Variants in SLC25A21 observed in about 807,000 individuals in gnomAD.
The protein encoded by SLC25A21 is solute carrier family 25 member 21.
A neutral mutation model predicts 43.8 loss-of-function variants in SLC25A21; 47 were observed. That is an observed-to-expected ratio of 1.07 (90% confidence interval 0.85 to 1.37). SLC25A21 has a LOEUF of 1.37. Ranked by LOEUF, SLC25A21 falls within the 40% of genes most tolerant of loss-of-function variation. SLC25A21 has a pLI of 0.00. For synonymous variants in SLC25A21, 131 were observed against 121.3 expected, an observed-to-expected ratio of 1.08 and a Z score of -0.52; for missense variants, 352 against 350.2, an observed-to-expected ratio of 1.00 and a Z score of -0.04.
chr14:36,925,139 A>G lies in SLC25A21; in HGVS notation c.71-50135T>C, dbSNP rs559031621. 5.9e-5 allele frequency among the ~76,000 whole-genome samples: 9 copies of G among 152,260 alleles called. No individual in the cohort carries two copies. The South Asian group carries it at 1.0e-3, about 18-fold the overall frequency. On this transcript the variant is annotated intron_variant, in intron 1 of 9. Coordinates refer to ENST00000331299, the MANE Select transcript of SLC25A21 (RefSeq NM_030631.4). Reference sequence around the variant, plus strand: ...TATTAAAACGCAATAGTAAAAAATAATTCAAAAGAATGCAAGGATAGGGGG... The same window carrying G: ...TATTAAAACGCAATAGTAAAAAATAGTTCAAAAGAATGCAAGGATAGGGGG...
At chr14:37,088,862 TCTTTCTTA>T (rs1250047766) in intron 1 of SLC25A21, among the ~76,000 whole-genome samples, 1 of 152,364 alleles carries the variant, frequency 6.6e-6, no homozygotes, top group East Asian at 1.9e-4. Flanking sequence ...CAGCATTATT[TCTTTCTTA>T]CTCTCTCTCT....
In SLC25A21 at chr14:37,172,549, C is replaced by A. The variant is rs565550829; in HGVS notation, c.-199G>T. On this transcript the variant is annotated 5_prime_UTR_variant, in exon 1 of 10. It adds an upstream start codon to the 5' untranslated region. Coordinates refer to ENST00000331299, the MANE Select transcript of SLC25A21 (RefSeq NM_030631.4). ...CGCGCGATCTCCGGCGCGTCGGAAC[C>A]TGTTCGCAGCGCTCTCGCAGAGGCG... 14 of 716,224 alleles carry A rather than the reference C, an allele frequency of 2.0e-5. No individual in the cohort carries two copies. The South Asian group carries it at 2.1e-4, about 11-fold the overall frequency. The allele number at this position is 716,224 out of a possible 1,614,324, so 44.4% of individuals were successfully genotyped here. A position where few individuals can be genotyped will look rare whatever the true frequency, so the allele number is the denominator to read the frequency against.
At chr14:36,993,829 C>T (rs1007535398) in intron 1 of SLC25A21, among the ~76,000 whole-genome samples, 2 of 152,094 alleles carry the variant, frequency 1.3e-5, no homozygotes. Flanking sequence ...TAAATGTGGC[C>T]ACTTGACAAT....
At position 37,023,162 on chromosome 14, in the gene SLC25A21, C is replaced by G. The variant is rs562215311; in HGVS notation, c.71-148158G>C. Among the ~76,000 whole-genome samples the G allele has an allele frequency of 3.9e-5, 6 of 152,082 alleles. No homozygotes were observed. In the South Asian group the frequency reaches 1.2e-3, roughly 32 times the overall value. ...CTCTGGTCATAAGCTGAGTGACATT[C>G]TATAACCATCTTTGCTGTAACTGGT... On this transcript the variant is annotated intron_variant, in intron 1 of 9. Coordinates refer to ENST00000331299, the MANE Select transcript of SLC25A21 (RefSeq NM_030631.4).
At chr14:36,999,819 CA>C (rs991431319) in intron 1 of SLC25A21, among the ~76,000 whole-genome samples, 15 of 152,076 alleles carry the variant, frequency 9.9e-5, no homozygotes, top group African/African-American at 3.6e-4. Context: ...TGAAGGCTCA[CA>C]AGGGGAGTGA....
chr14:36,951,834 G>A (rs1399542280), intron 1 of SLC25A21, among the ~76,000 whole-genome samples: 1 of 152,104 alleles, frequency 6.6e-6, no homozygotes, highest in African/African-American at 2.4e-5. Context: ...ATGATTCGCT[G>A]GTTACATATA....
intron 1 of SLC25A21, among the ~76,000 whole-genome samples, chr14:36,931,637 G>C (rs756677776): frequency 6.6e-6 from 1 of 152,126 alleles, no homozygotes; most frequent in South Asian, 2.1e-4. Context: ...TTGGGGTTAC[G>C]TGTTAGAGGA....
intron 1 of SLC25A21, among the ~76,000 whole-genome samples, chr14:37,006,294 C>A (rs1188635042): frequency 6.6e-6 from 1 of 151,904 alleles, no homozygotes; most frequent in East Asian, 1.9e-4. Flanking sequence ...TCATTGGCAC[C>A]CTTTTCTTAA....
At chr14:37,129,133 G>A (rs1963349790) in intron 1 of SLC25A21, among the ~76,000 whole-genome samples, 1 of 152,134 alleles carries the variant, frequency 6.6e-6, no homozygotes. Context: ...GGAAAGTGCT[G>A]GGTTAGAGGG....
chr14:36,756,596 T>C (rs948361542), intron 3 of SLC25A21, among the ~76,000 whole-genome samples: 1 of 152,194 alleles, frequency 6.6e-6, no homozygotes, highest in African/African-American at 2.4e-5. Flanking sequence ...CCCATTTCCC[T>C]TGGCACCCTT....
chr14:37,018,721 G>T (rs1387971573), intron 1 of SLC25A21, among the ~76,000 whole-genome samples: 1 of 151,722 alleles, frequency 6.6e-6, no homozygotes, highest in Non-Finnish European at 1.5e-5. Flanking sequence ...ACACAATTTG[G>T]AGCACATCCC....
At chr14:36,715,762 A>G (rs1293766979) in intron 6 of SLC25A21, among the ~76,000 whole-genome samples, 2 of 152,234 alleles carry the variant, frequency 1.3e-5, no homozygotes, top group Non-Finnish European at 2.9e-5. Flanking sequence ...ATGGAATCAA[A>G]TATCTGCTTA....
At chr14:36,826,361 T>G (rs571208508) in intron 2 of SLC25A21, among the ~76,000 whole-genome samples, 3 of 152,258 alleles carry the variant, frequency 2.0e-5, no homozygotes, top group Non-Finnish European at 4.4e-5. Context: ...TGCCTCACAT[T>G]ACTTTTCTGG....
intron 6 of SLC25A21, among the ~76,000 whole-genome samples, chr14:36,713,358 G>C (rs186773493): frequency 2.3e-4 from 35 of 152,266 alleles, no homozygotes; most frequent in Non-Finnish European, 4.3e-4. Context: ...CTTGAAAAGA[G>C]ATTTCTCCTA....
chr14:37,137,382 G>T (rs1963500635), intron 1 of SLC25A21, among the ~76,000 whole-genome samples: 1 of 152,148 alleles, frequency 6.6e-6, no homozygotes, highest in Non-Finnish European at 1.5e-5. Flanking sequence ...ATGTCAATAT[G>T]TGAATTACAT....
intron 1 of SLC25A21, among the ~76,000 whole-genome samples, chr14:36,944,503 G>A (rs942726225): frequency 6.6e-6 from 1 of 152,000 alleles, no homozygotes; most frequent in Non-Finnish European, 1.5e-5. Context: ...ATAGTGAGAG[G>A]ATCTCCTCTC....
chr14:36,814,135 T>G, intron 2 of SLC25A21, 134 bp from the exon 3 acceptor site: 1 of 581,262 alleles, frequency 1.7e-6, no homozygotes, highest in Non-Finnish European at 3.0e-6. Flanking sequence ...TTTTATTCAT[T>G]TATTAGCCTT....
chr14:36,697,695 G>A (rs1287685878), intron 7 of SLC25A21, among the ~76,000 whole-genome samples: 1 of 147,114 alleles, frequency 6.8e-6, no homozygotes, highest in East Asian at 2.1e-4. Context: ...GATCTTTGTT[G>A]GTTCAAAGTC....
chr14:36,827,066 CTGTT>C (rs923349895), intron 2 of SLC25A21, among the ~76,000 whole-genome samples: 4 of 152,168 alleles, frequency 2.6e-5, no homozygotes, highest in Non-Finnish European at 5.9e-5. Context: ...TTTTGTTCCC[CTGTT>C]TGTTTTGTGG....
Sources: allele counts gnomAD v4.1 joint callset (sites outside exome capture counted in the v4.1 genomes callset), GRCh38; gene constraint gnomAD v4.1.1; transcripts MANE v1.5; gene names NCBI Gene and HGNC (gene_info 2026-07-23, HGNC 2026-07-21).